The following MFNG variants were observed in gnomAD, a reference collection of about 807,000 sequenced individuals.
MFNG encodes beta-1,3-N-acetylglucosaminyltransferase manic fringe.
In MFNG, 24 loss-of-function variants were observed where a neutral mutation model predicts 34.2. That is an observed-to-expected ratio of 0.70 (90% CI 0.51 to 0.99). The LOEUF is 0.99. Among genes scored for constraint, MFNG ranks in the 50% least tolerant of loss-of-function variants. The pLI is 0.00. For missense variants in MFNG, 383 were observed against 424.0 expected, an observed-to-expected ratio of 0.90 and a Z score of 0.85; for synonymous variants, 158 against 179.2, an observed-to-expected ratio of 0.88 and a Z score of 0.94.
chr22:37,478,546 A>G (rs371796035), intron 4 of MFNG, among the ~76,000 whole-genome samples: 14 of 152,100 alleles, frequency 9.2e-5, no homozygotes, highest in African/African-American at 3.4e-4. Flanking sequence ...CTGTTTTGCC[A>G]GGTGTCGACT....
At position 37,483,242 on chromosome 22, in the gene MFNG, G is replaced by C. The variant is rs1011890764; in HGVS notation, c.256-2473C>G. Among the ~76,000 whole-genome samples the C allele has an allele frequency of 3.3e-5, 5 of 151,950 alleles. No homozygotes were observed. Among genetic ancestry groups the C allele is most frequent in the African/African-American group, 1.2e-4 (5 of 41,350 alleles). ...GTCTGGGACGCTGCTCTTCCCTCCGGCCCACCCGGCCACCTAGTCCCCGCC... is the reference window on the plus strand; with the variant it reads ...GTCTGGGACGCTGCTCTTCCCTCCGCCCCACCCGGCCACCTAGTCCCCGCC... On this transcript the variant is annotated intron_variant, in intron 1 of 7. Coordinates refer to ENST00000356998, the MANE Select transcript of MFNG (RefSeq NM_002405.4). The surrounding 1 kb of genome is among the most constrained non-coding windows in gnomAD (Gnocchi z 4.5).
At chr22:37,479,278 C>T (rs1922175312) in intron 4 of MFNG, 67 bp downstream of exon 4, 3 of 1,472,932 alleles carry the variant, frequency 2.0e-6, no homozygotes, top group Non-Finnish European at 2.7e-6. Flanking sequence ...CACACCCCCA[C>T]CCCCAGGACC....
intron 5 of MFNG, among the ~76,000 whole-genome samples, chr22:37,475,298 A>T (rs1286230791): frequency 6.6e-6 from 1 of 152,208 alleles, no homozygotes; most frequent in Non-Finnish European, 1.5e-5. Context: ...ATCTCGGCTC[A>T]CTGCAATCTC....
chr22:37,480,639 C>T, intron 2 of MFNG, 82 bp downstream of exon 2: 1 of 1,357,120 alleles, frequency 7.4e-7, no homozygotes, highest in Non-Finnish European at 1.0e-6. Context: ...TTCCTGGGAA[C>T]CCTCAGGCCA....
At chr22:37,477,033 G>T in intron 4 of MFNG, 52 bp from the exon 5 acceptor site, 1 of 1,526,234 alleles carries the variant, frequency 6.6e-7, no homozygotes, top group Non-Finnish European at 9.1e-7. Flanking sequence ...CAGTTGTGGG[G>T]AAAAGGGACA....
chr22:37,480,672 C>T, intron 2 of MFNG, 49 bp downstream of exon 2: 1 of 1,585,076 alleles, frequency 6.3e-7, no homozygotes, highest in Non-Finnish European at 8.7e-7. Context: ...CCCAGCTTTC[C>T]CAGGCAACAG....
At chr22:37,481,673 T>C (rs1347162097) in intron 1 of MFNG, among the ~76,000 whole-genome samples, 6 of 152,346 alleles carry the variant, frequency 3.9e-5, no homozygotes, top group Middle Eastern at 3.4e-3. Flanking sequence ...CTCTCACCCA[T>C]TGAGCATCAG....
intron 6 of MFNG, among the ~76,000 whole-genome samples, chr22:37,472,904 G>GGAGCCCCTACTCCAC (rs1248406300): frequency 6.6e-6 from 1 of 152,076 alleles, no homozygotes; most frequent in East Asian, 1.9e-4. Context: ...CTCTTCACCC[G>GGAGCCCCTACTCCAC]GAGCCCCTAC....
At chr22:37,476,130 A>G (rs1169096599) in intron 5 of MFNG, among the ~76,000 whole-genome samples, 2 of 152,088 alleles carry the variant, frequency 1.3e-5, no homozygotes, top group Non-Finnish European at 2.9e-5. Flanking sequence ...GATGGAGCAC[A>G]GAGCTGGCTC....
At chr22:37,476,821 G>A in intron 5 of MFNG, 75 bp downstream of exon 5, 2 of 1,216,148 alleles carry the variant, frequency 1.6e-6, no homozygotes, top group East Asian at 4.7e-5. Context: ...AGCCCTTCCT[G>A]CTGCAAAGGC....
Position 37,485,992 on chromosome 22 carries a change from C to T in MFNG, c.186G>A (p.Thr62=), listed in dbSNP as rs1470355371. 15 of 1,614,004 alleles carry T rather than the reference C, an allele frequency of 9.3e-6. No homozygotes were observed. Among genetic ancestry groups the T allele is most frequent in the East Asian group, 2.2e-5 (1 of 44,860 alleles). The part of the protein sequence containing the change: ...QLHDVFIAVK[T]TRAFHRLRLE... ...GGCGCAAGCGGTGGAAAGCCCGGGT[C>T]GTCTTCACTGCAATGAAGACATCGT... Residue 62 remains threonine (T), a synonymous_variant, in exon 1 of 8, where the codon ACG becomes ACA. Coordinates refer to ENST00000356998, the MANE Select transcript of MFNG (RefSeq NM_002405.4). This position sits in a 1 kb window ranked among gnomAD's most constrained non-coding sequence, Gnocchi z 5.3.
chr22:37,481,585 G>A (rs1922293261), intron 1 of MFNG, among the ~76,000 whole-genome samples: 1 of 152,238 alleles, frequency 6.6e-6, no homozygotes, highest in Non-Finnish European at 1.5e-5. Context: ...ACAAAGACAA[G>A]CCAGGCTGGG....
At chr22:37,474,713 G>A in intron 5 of MFNG, 36 bp from the exon 6 acceptor site, 1 of 1,550,508 alleles carries the variant, frequency 6.4e-7, no homozygotes, top group Non-Finnish European at 8.7e-7. Context: ...CGCTGGCCCA[G>A]GCCCTCCACA....
chr22:37,481,670 C>G (rs562093909), intron 1 of MFNG, among the ~76,000 whole-genome samples: 2 of 152,220 alleles, frequency 1.3e-5, no homozygotes, highest in African/African-American at 2.4e-5. Context: ...GTCCTCTCAC[C>G]CATTGAGCAT....
In MFNG at chr22:37,486,191, G is replaced by A; in HGVS notation, c.-14C>T. 6.5e-7 allele frequency: 1 copy of A among 1,533,574 alleles called. No homozygotes were observed. Among genetic ancestry groups the A allele is most frequent in the Non-Finnish European group, 8.8e-7 (1 of 1,139,646 alleles). The allele number at this position is 1,533,574 out of a possible 1,614,324, so 95.0% of individuals were successfully genotyped here. A position where few individuals can be genotyped will look rare whatever the true frequency, so the allele number is the denominator to read the frequency against. ...CCGGCACTGCATTGGTTGGCCCTGG[G>A]ACCCCAGACAGCTCAGCCCCCAAAT... On this transcript the variant is annotated 5_prime_UTR_variant, in exon 1 of 8. Transcript: ENST00000356998.
At chr22:37,472,365 C>T in intron 7 of MFNG, 78 bp downstream of exon 7, 4 of 1,115,512 alleles carry the variant, frequency 3.6e-6, no homozygotes, top group Non-Finnish European at 5.1e-6. Flanking sequence ...CACTCCACTC[C>T]CTCCCAGCTC....
chr22:37,479,973 C>T lies in MFNG; in HGVS notation c.407+224G>A, dbSNP rs148479998. Among the ~76,000 whole-genome samples the T allele has an allele frequency of 7.9e-5, 12 of 152,126 alleles. No homozygotes were observed. The East Asian group carries it at 2.3e-3, about 29-fold the overall frequency. On this transcript the variant is annotated intron_variant, in intron 3 of 7. Coordinates refer to ENST00000356998, the MANE Select transcript of MFNG (RefSeq NM_002405.4). ...AGCCGAGACTGCACCATTTGCACTC[C>T]AGCCTGGGCAAGAAGAACGATACTC...
intron 4 of MFNG, among the ~76,000 whole-genome samples, chr22:37,478,899 G>A (rs540485745): frequency 2.2e-4 from 34 of 152,130 alleles, no homozygotes; most frequent in African/African-American, 7.2e-4. Context: ...GGCTGGTCTC[G>A]AACTCTTGAC....
intron 1 of MFNG, among the ~76,000 whole-genome samples, chr22:37,481,876 C>T (rs564162107): frequency 1.3e-5 from 2 of 152,372 alleles, no homozygotes; most frequent in East Asian, 3.9e-4. Flanking sequence ...CTCTGCTTAC[C>T]TAAAATCCCC....
Sources: allele counts gnomAD v4.1 joint callset (sites outside exome capture counted in the v4.1 genomes callset), GRCh38; gene constraint gnomAD v4.1.1; non-coding constraint Gnocchi (gnomAD v3.1); transcripts MANE v1.5; gene names NCBI Gene and HGNC (gene_info 2026-07-23, HGNC 2026-07-21).